SNX30: variants seen among roughly 807,000 people sequenced by gnomAD.
SNX30 encodes the protein sorting nexin-30.
In SNX30, 24 loss-of-function variants were observed where a neutral mutation model predicts 46.4. The observed-to-expected ratio is 0.52, with a 90% CI of 0.37 to 0.73. SNX30 has a LOEUF of 0.73. Ranked by LOEUF, SNX30 falls within the 30% of genes least tolerant of loss-of-function variation. The probability of loss-of-function intolerance (pLI) is 0.00; values close to 1 mark genes in which losing one functional copy is unlikely to be tolerated. For synonymous variants in SNX30, 189 were observed against 211.5 expected (o/e 0.89, Z 0.92); for missense variants, 533 against 555.7 (o/e 0.96, Z 0.41).
At chr9:112,839,151 A>G (rs7038684) in intron 6 of SNX30, among the ~76,000 whole-genome samples, 142,645 of 152,268 alleles carry the variant, frequency 0.94, 66,893 homozygotes, top group East Asian at 1. Context: ...AGACATAGGG[A>G]ATTAATCCCA....
intron 4 of SNX30, among the ~76,000 whole-genome samples, chr9:112,834,882 A>ACACACCCC (rs56385707): frequency 1.9e-4 from 20 of 105,352 alleles, no homozygotes; most frequent in South Asian, 1.1e-3. Context: ...ACACACACAC[A>ACACACCCC]CCTACCTCAA....
chr9:112,823,471 C>T (rs1840536531), intron 3 of SNX30, among the ~76,000 whole-genome samples: 1 of 152,212 alleles, frequency 6.6e-6, no homozygotes, highest in Non-Finnish European at 1.5e-5. Context: ...GACACTTCTG[C>T]ATTTCCTGGA....
intron 8 of SNX30, 90 bp from the exon 9 acceptor site, chr9:112,868,694 G>T: frequency 7.2e-7 from 1 of 1,385,410 alleles, no homozygotes; most frequent in South Asian, 1.2e-5. Flanking sequence ...CAGCAGGATC[G>T]ACAACGAAAG....
chr9:112,869,084 A>G lies in SNX30; in HGVS notation c.*241A>G. 1.9e-6 allele frequency: 1 copy of G among 535,664 alleles called. No individual in the cohort carries two copies. The highest frequency in any genetic ancestry group is 3.4e-6 in the Non-Finnish European group (1 of 296,104). The allele number at this position is 535,664 out of a possible 1,614,324, so 33.2% of individuals were successfully genotyped here. The stretch of plus-strand genomic sequence containing the variant: ...AGAGCAGCATACCTCCATGTTGTGA[A>G]GGCATCTGTTCAGTGAAGCACTACG... On this transcript the variant is annotated 3_prime_UTR_variant, in exon 9 of 9. Coordinates refer to ENST00000374232, the MANE Select transcript of SNX30 (RefSeq NM_001012994.2).
intron 1 of SNX30, among the ~76,000 whole-genome samples, chr9:112,766,648 C>G (rs1259561298): frequency 6.6e-6 from 1 of 152,200 alleles, no homozygotes; most frequent in Non-Finnish European, 1.5e-5. Context: ...AGGTCACTAC[C>G]TTTCCACTTT....
chr9:112,856,682 G>C (rs1283912038), intron 7 of SNX30: 2 of 152,166 alleles, frequency 1.3e-5, no homozygotes, highest in Non-Finnish European at 2.9e-5. Context: ...TGGGAAAGAC[G>C]TGGTGGGTAG....
At chr9:112,865,380 T>TG (rs1319858054) in intron 8 of SNX30, among the ~76,000 whole-genome samples, 1 of 151,754 alleles carries the variant, frequency 6.6e-6, no homozygotes, top group Admixed American at 6.6e-5. Context: ...TCCCAGCACT[T>TG]GAAGAGTCCG....
intron 2 of SNX30, among the ~76,000 whole-genome samples, chr9:112,816,522 C>T (rs1840398352): frequency 6.6e-6 from 1 of 152,140 alleles, no homozygotes; most frequent in Admixed American, 6.5e-5. Context: ...GTGTGTGGGA[C>T]TTGAAGAGGG....
intron 1 of SNX30, among the ~76,000 whole-genome samples, chr9:112,795,828 C>T (rs1312675886): frequency 6.6e-6 from 1 of 151,712 alleles, no homozygotes; most frequent in East Asian, 1.9e-4. Flanking sequence ...CAGTTGCAGT[C>T]ACTGGGGACT....
chr9:112,765,277 G>A (rs1218678283), intron 1 of SNX30, among the ~76,000 whole-genome samples: 1 of 152,192 alleles, frequency 6.6e-6, no homozygotes. Context: ...AGGCATGTAT[G>A]CCTTTTACAA....
At chr9:112,812,838 A>G (rs1408784267) in intron 2 of SNX30, among the ~76,000 whole-genome samples, 1 of 152,174 alleles carries the variant, frequency 6.6e-6, no homozygotes, top group East Asian at 1.9e-4. Context: ...TTAATTTTGT[A>G]TCCTCCCATT....
chr9:112,820,747 C>T (rs1840479741), intron 3 of SNX30, among the ~76,000 whole-genome samples: 1 of 152,142 alleles, frequency 6.6e-6, no homozygotes, highest in Admixed American at 6.5e-5. Flanking sequence ...TACAGATTTG[C>T]CTATTCTGGA....
chr9:112,804,875 G>A lies in SNX30; in HGVS notation c.256G>A (p.Gly86Ser). 6.2e-7 allele frequency: 1 copy of A among 1,613,876 alleles called. No homozygotes were observed. Reference protein sequence around the residue: ...NRLQLDDDIDGETRDLFVIVD... With the variant: ...NRLQLDDDIDSETRDLFVIVD... The stretch of plus-strand genomic sequence containing the variant: ...ACTTCAGCTTGATGATGATATTGAT[G>A]GTGAGACTAGAGATCTCTTCGTTAT... The change falls in exon 2 of 9, where the codon GGT (glycine) becomes AGT (serine). Residue 86 changes from glycine to serine, a missense_variant. By Grantham distance (56) the Gly-to-Ser change is moderately conservative. Coordinates refer to ENST00000374232, the MANE Select transcript of SNX30 (RefSeq NM_001012994.2).
intron 1 of SNX30, among the ~76,000 whole-genome samples, chr9:112,774,135 C>T (rs989151751): frequency 2.6e-5 from 4 of 152,152 alleles, no homozygotes; most frequent in Non-Finnish European, 5.9e-5. Flanking sequence ...GTGCTAGGTG[C>T]TGCTAGCCAA....
chr9:112,778,461 G>T (rs1307775554), intron 1 of SNX30, among the ~76,000 whole-genome samples: 1 of 152,018 alleles, frequency 6.6e-6, no homozygotes, highest in African/African-American at 2.4e-5. Context: ...TAGTAGAGAG[G>T]GGGTTTCGCC....
chr9:112,837,072 G>GGAA (rs1189800115), intron 5 of SNX30, among the ~76,000 whole-genome samples: 1 of 152,206 alleles, frequency 6.6e-6, no homozygotes, highest in Non-Finnish European at 1.5e-5. Flanking sequence ...CACTGGCATG[G>GGAA]GAAGCACGTT....
At chr9:112,821,798 T>TA (rs1467215157) in intron 3 of SNX30, among the ~76,000 whole-genome samples, 2 of 147,316 alleles carry the variant, frequency 1.4e-5, no homozygotes, top group Non-Finnish European at 3.0e-5. Flanking sequence ...ATTATATGTA[T>TA]AAAATTTTAA....
At chr9:112,851,098 A>G (rs1841017725) in intron 7 of SNX30, among the ~76,000 whole-genome samples, 153 bp downstream of exon 7, 1 of 152,026 alleles carries the variant, frequency 6.6e-6, no homozygotes, top group South Asian at 2.1e-4. Context: ...TTTCTGTCCT[A>G]TTTCTGCGAG....
At chr9:112,875,181 C>G (rs931663285), downstream of SNX30, 2 of 152,258 alleles carry the variant, frequency 1.3e-5, no homozygotes, top group East Asian at 1.9e-4. Context: ...CCAGTTTACC[C>G]TCAATTTACC....
Sources: allele counts gnomAD v4.1 joint callset (sites outside exome capture counted in the v4.1 genomes callset), GRCh38; gene constraint gnomAD v4.1.1; transcripts MANE v1.5; gene names NCBI Gene and HGNC (gene_info 2026-07-23, HGNC 2026-07-21).